The following XKR9 variants were observed in gnomAD, a reference collection of about 807,000 sequenced individuals.
The protein encoded by XKR9 is XK related 9, also known as XK-related protein 9.
Under a neutral mutation model 32.0 loss-of-function variants are expected in XKR9, and 32 were observed. That is an observed-to-expected ratio of 1.00 (90% CI 0.76 to 1.34). The LOEUF is 1.34. XKR9 is among the 40% of genes most tolerant of loss of function. XKR9 has a pLI of 0.00. For missense variants in XKR9, 546 were observed against 429.7 expected, an observed-to-expected ratio of 1.27 and a Z score of -2.39; for synonymous variants, 168 against 143.4, an observed-to-expected ratio of 1.17 and a Z score of -1.22.
the XKR9 span, among the ~76,000 whole-genome samples, chr8:70,891,545 C>T: frequency 5.3e-5 from 8 of 151,826 alleles, no homozygotes; most frequent in Admixed American, 5.2e-4. Context: ...TCTTAATTGA[C>T]TCATTGGACA....
At chr8:71,012,643 A>G in the XKR9 span, among the ~76,000 whole-genome samples, 2 of 152,174 alleles carry the variant, frequency 1.3e-5, no homozygotes, top group African/African-American at 4.8e-5. Context: ...ACCATATGCC[A>G]GGCATTGTAC....
chr8:70,946,422 A>T, the XKR9 span, among the ~76,000 whole-genome samples: 439 of 152,292 alleles, frequency 2.9e-3, 2 homozygotes, highest in African/African-American at 9.9e-3. Context: ...TTCCACTGAG[A>T]TAATAATGTC....
At chr8:70,824,998 A>T in the XKR9 span, among the ~76,000 whole-genome samples, 1 of 152,044 alleles carries the variant, frequency 6.6e-6, no homozygotes, top group Non-Finnish European at 1.5e-5. Flanking sequence ...GTCAGGTTAA[A>T]ATGTTCAGTG....
the XKR9 span, among the ~76,000 whole-genome samples, chr8:71,048,118 G>A: frequency 6.6e-6 from 1 of 152,140 alleles, no homozygotes; most frequent in African/African-American, 2.4e-5. Context: ...AAAATGGGAA[G>A]TCAACAGTTG....
downstream of XKR9, among the ~76,000 whole-genome samples, chr8:70,794,973 G>A (rs943495334): frequency 6.6e-6 from 1 of 151,850 alleles, no homozygotes; most frequent in East Asian, 1.9e-4. Flanking sequence ...TCTTTTTGTT[G>A]TTGTTTATTA....
chr8:71,053,910 T>G, the XKR9 span, among the ~76,000 whole-genome samples: 1 of 152,230 alleles, frequency 6.6e-6, no homozygotes, highest in African/African-American at 2.4e-5. Flanking sequence ...GAAACCCAGC[T>G]GCCAAGCTAA....
intron 4 of XKR9, among the ~76,000 whole-genome samples, chr8:70,712,163 G>T (rs568594827): frequency 2.6e-5 from 4 of 152,182 alleles, no homozygotes; most frequent in Admixed American, 1.3e-4. Context: ...TAGCAGATTA[G>T]AAATATCAAT....
chr8:70,797,386 C>G, the XKR9 span, among the ~76,000 whole-genome samples: 1 of 151,932 alleles, frequency 6.6e-6, no homozygotes, highest in African/African-American at 2.4e-5. Flanking sequence ...TCTAAGTGCC[C>G]GCCTCTACTT....
At chr8:70,701,770 A>G (rs1019773590) in intron 3 of XKR9, among the ~76,000 whole-genome samples, 10 of 152,142 alleles carry the variant, frequency 6.6e-5, no homozygotes, top group African/African-American at 2.4e-4. Flanking sequence ...TTTATTAGGT[A>G]TGTGTGCCTC....
the XKR9 span, among the ~76,000 whole-genome samples, chr8:71,064,681 G>C: frequency 2.6e-5 from 4 of 152,078 alleles, no homozygotes; most frequent in Admixed American, 2.6e-4. Flanking sequence ...TGATGGCTTA[G>C]TGTGAGAACA....
the XKR9 span, among the ~76,000 whole-genome samples, chr8:71,006,762 A>G: frequency 6.6e-6 from 1 of 152,204 alleles, no homozygotes; most frequent in African/African-American, 2.4e-5. Context: ...AAACTGAAGC[A>G]GCCATTGTTG....
chr8:71,041,238 A>G, the XKR9 span, among the ~76,000 whole-genome samples: 1 of 152,170 alleles, frequency 6.6e-6, no homozygotes, highest in African/African-American at 2.4e-5. Context: ...TGCATACATG[A>G]TTTCTGAAAA....
At chr8:71,036,869 C>CT in the XKR9 span, among the ~76,000 whole-genome samples, 1 of 100,064 alleles carries the variant, frequency 1.0e-5, no homozygotes, top group East Asian at 5.8e-4. Context: ...TGAGATTGCA[C>CT]CTTTTTTTTT....
At chr8:71,004,388 T>A in the XKR9 span, among the ~76,000 whole-genome samples, 1 of 152,168 alleles carries the variant, frequency 6.6e-6, no homozygotes, top group Non-Finnish European at 1.5e-5. Flanking sequence ...ACACAGGTCA[T>A]TATTTTAGGA....
At chr8:71,002,489 C>A in the XKR9 span, among the ~76,000 whole-genome samples, 14 of 151,496 alleles carry the variant, frequency 9.2e-5, no homozygotes, top group Non-Finnish European at 1.5e-4. Context: ...TTTATTGTAT[C>A]TTTAAGTAAA....
chr8:70,938,611 G>A, the XKR9 span, among the ~76,000 whole-genome samples: 1 of 152,008 alleles, frequency 6.6e-6, no homozygotes, highest in Non-Finnish European at 1.5e-5. Flanking sequence ...GATACACATG[G>A]GATTTAGGAT....
Position 70,715,397 on chromosome 8 carries a change from A to G in XKR9, c.493+8244A>G, listed in dbSNP as rs555794648. ...ATGTCTTATTTTTGCAAATTTTATA[A>G]AAATATGTGACAAGGTGAACAGATA... On this transcript the variant is annotated intron_variant, in intron 4 of 4. Transcript: ENST00000408926. Among the ~76,000 whole-genome samples, 60 of 152,258 alleles carry G rather than the reference A, an allele frequency of 3.9e-4. 1 individual carries two copies. The South Asian group carries it at 0.012, about 32-fold the overall frequency.
At chr8:70,823,133 T>C in the XKR9 span, among the ~76,000 whole-genome samples, 1 of 152,184 alleles carries the variant, frequency 6.6e-6, no homozygotes, top group African/African-American at 2.4e-5. Flanking sequence ...AGAGATGATA[T>C]CTTTTGTGTC....
intron 4 of XKR9, among the ~76,000 whole-genome samples, chr8:70,718,901 C>T (rs1184392262): frequency 6.6e-6 from 1 of 151,896 alleles, no homozygotes; most frequent in African/African-American, 2.4e-5. Flanking sequence ...CCACACTGTC[C>T]ACAATAGTTG....
Sources: allele counts gnomAD v4.1 joint callset (sites outside exome capture counted in the v4.1 genomes callset), GRCh38; gene constraint gnomAD v4.1.1; transcripts MANE v1.5; gene names NCBI Gene and HGNC (gene_info 2026-07-23, HGNC 2026-07-21).